XIRP2: variants seen among roughly 807,000 people sequenced by gnomAD.
The protein encoded by XIRP2 is xin actin-binding repeat-containing protein 2.
In XIRP2, 236 loss-of-function variants were observed where a neutral mutation model predicts 277.0. The observed-to-expected ratio is 0.85, with a 90% CI of 0.77 to 0.95. The LOEUF (loss-of-function observed/expected upper bound fraction) is 0.95. Among genes scored for constraint, XIRP2 ranks in the 40% least tolerant of loss-of-function variants. The pLI is 0.00. For missense variants in XIRP2, 4,640 were observed against 4,157.5 expected, an observed-to-expected ratio of 1.12 and a Z score of -3.19; for synonymous variants, 1,490 against 1,416.5, an observed-to-expected ratio of 1.05 and a Z score of -1.17.
At chr2:167,131,825 A>T (rs150246943) in intron 2 of XIRP2, among the ~76,000 whole-genome samples, 1 of 152,170 alleles carries the variant, frequency 6.6e-6, no homozygotes, top group Non-Finnish European at 1.5e-5. Context: ...TCTAAGCTCC[A>T]GGGCTACACA....
At position 167,242,817 on chromosome 2, in the gene XIRP2, G is replaced by A. The variant is rs1331439163; in HGVS notation, c.1425G>A (p.Leu475=). Residue 475 remains leucine, a synonymous_variant, in exon 9 of 11, where the codon CTG becomes CTA. Transcript: ENST00000409195. ...CAGCATTTTCCCAGTCCCCTGAACTGCCCAGTCCTCCTAGAAGACTACCAG... is the reference window on the plus strand; with the variant it reads ...CAGCATTTTCCCAGTCCCCTGAACTACCCAGTCCTCCTAGAAGACTACCAG... ...DVTAFSQSPE[L]PSPPRRLPVP... The A allele has an allele frequency of 6.2e-7, 1 of 1,614,132 alleles. No homozygotes were observed.
At chr2:167,082,855 A>T (rs1485459930) in intron 2 of XIRP2, among the ~76,000 whole-genome samples, 1 of 152,040 alleles carries the variant, frequency 6.6e-6, no homozygotes, top group Non-Finnish European at 1.5e-5. Context: ...CCTTTGTCAG[A>T]TGAGTAGGTT....
chr2:167,062,591 T>C (rs1689198987), intron 2 of XIRP2, among the ~76,000 whole-genome samples: 1 of 152,138 alleles, frequency 6.6e-6, no homozygotes, highest in Non-Finnish European at 1.5e-5. Flanking sequence ...AAGTTGATAT[T>C]ATTTCTAACT....
chr2:166,982,498 G>A (rs1223782965), intron 2 of XIRP2, among the ~76,000 whole-genome samples: 2 of 151,246 alleles, frequency 1.3e-5, no homozygotes, highest in East Asian at 3.9e-4. Flanking sequence ...TATAGTCCCA[G>A]GGAAGACTAG....
chr2:166,969,841 T>C (rs1431337448), intron 2 of XIRP2, among the ~76,000 whole-genome samples: 3 of 151,998 alleles, frequency 2.0e-5, no homozygotes, highest in African/African-American at 4.8e-5. Context: ...TTAAAATTGT[T>C]TGAATAAGCA....
In XIRP2 at chr2:167,199,977, A is replaced by G. The variant is rs371513398; in HGVS notation, c.563-10758A>G. ...GTCAAAGAGGTAGCAATTCTGTAAG[A>G]AACAGAATTATGTAGAATGATATGA... On this transcript the variant is annotated intron_variant, in intron 3 of 10. Coordinates refer to ENST00000409195, the MANE Select transcript of XIRP2 (RefSeq NM_152381.6). Among the ~76,000 whole-genome samples, 6 of 152,352 alleles carry G rather than the reference A, an allele frequency of 3.9e-5. No homozygotes were observed. In the East Asian group the frequency reaches 1.2e-3, roughly 29 times the overall value.
chr2:167,213,499 G>A (rs1398916494), intron 4 of XIRP2, among the ~76,000 whole-genome samples: 1 of 152,086 alleles, frequency 6.6e-6, no homozygotes, highest in Non-Finnish European at 1.5e-5. Context: ...TAACTGTTAG[G>A]TGTTCAAATT....
At chr2:167,224,337 A>G (rs1286680188) in intron 5 of XIRP2, among the ~76,000 whole-genome samples, 1 of 152,138 alleles carries the variant, frequency 6.6e-6, no homozygotes, top group African/African-American at 2.4e-5. Flanking sequence ...AGGCTCAAGC[A>G]ATACTTGCAT....
At chr2:167,205,830 A>G (rs1187262778) in intron 3 of XIRP2, among the ~76,000 whole-genome samples, 2 of 151,948 alleles carry the variant, frequency 1.3e-5, no homozygotes, top group Non-Finnish European at 2.9e-5. Context: ...ACTTTTAGTT[A>G]TAAATAAATA....
At chr2:167,186,624 T>C (rs1693163320) in intron 3 of XIRP2, among the ~76,000 whole-genome samples, 1 of 152,094 alleles carries the variant, frequency 6.6e-6, no homozygotes, top group East Asian at 1.9e-4. Flanking sequence ...CAGCATGTGT[T>C]TGGTAAGTCC....
chr2:167,142,891 T>C (rs1691760934), intron 3 of XIRP2, among the ~76,000 whole-genome samples: 1 of 151,988 alleles, frequency 6.6e-6, no homozygotes, highest in Non-Finnish European at 1.5e-5. Context: ...AACTCAGTGT[T>C]CTGGGGCAGT....
chr2:167,246,166 T>C lies in XIRP2; in HGVS notation c.4774T>C (p.Ser1592Pro), dbSNP rs746247589. The change falls in exon 9 of 11, where the codon TCT (serine) becomes CCT (proline). Residue 1592 changes from serine (S) to proline (P), a missense_variant. Transcript: ENST00000409195. The stretch of plus-strand genomic sequence containing the variant: ...AAAATACAAGCTAATGAACCAAGCA[T>C]CTCCTGAGATACAGAAAGAAGAAAT... ...MAKYKLMNQA[S>P]PEIQKEEIIR... 3.1e-6 allele frequency: 5 copies of C among 1,612,352 alleles called. No individual in the cohort carries two copies. In the African/African-American group the frequency reaches 4.0e-5, roughly 13 times the overall value.
intron 2 of XIRP2, among the ~76,000 whole-genome samples, chr2:167,046,258 G>A (rs1222140580): frequency 6.6e-6 from 1 of 151,774 alleles, no homozygotes; most frequent in Admixed American, 6.6e-5. Flanking sequence ...GGAGCTTTTG[G>A]GCAGACTATG....
intron 2 of XIRP2, among the ~76,000 whole-genome samples, chr2:167,111,891 A>T (rs1214482922): frequency 6.6e-6 from 1 of 152,054 alleles, no homozygotes; most frequent in Non-Finnish European, 1.5e-5. Flanking sequence ...GCCTTGGGCA[A>T]TTGTATATGT....
intron 3 of XIRP2, among the ~76,000 whole-genome samples, chr2:167,187,850 G>A (rs1573942205): frequency 6.6e-6 from 1 of 152,092 alleles, no homozygotes. Context: ...AAAAAAATTA[G>A]TTTGTCATTT....
At chr2:167,126,175 GCTCTCTCTCT>G (rs759213012) in intron 2 of XIRP2, among the ~76,000 whole-genome samples, 2 of 131,132 alleles carry the variant, frequency 1.5e-5, no homozygotes, top group Non-Finnish European at 3.1e-5. Context: ...CTCCTTGTGC[GCTCTCTCTCT>G]CTCTCTCTCT....
chr2:167,061,543 G>GT (rs1176446226), intron 2 of XIRP2, among the ~76,000 whole-genome samples: 2 of 152,018 alleles, frequency 1.3e-5, no homozygotes, highest in Admixed American at 6.6e-5. Context: ...AAAAAGATAT[G>GT]TTTAAATTCT....
chr2:167,197,738 G>A (rs970412819), intron 3 of XIRP2, among the ~76,000 whole-genome samples: 1 of 151,992 alleles, frequency 6.6e-6, no homozygotes, highest in Non-Finnish European at 1.5e-5. Flanking sequence ...AGTTTCATAT[G>A]GAATTTGGCA....
intron 10 of XIRP2, among the ~76,000 whole-genome samples, chr2:167,254,568 T>G (rs1695607913): frequency 1.3e-5 from 2 of 151,882 alleles, no homozygotes; most frequent in African/African-American, 4.8e-5. Flanking sequence ...CTACTCAATT[T>G]CTATTAGAGA....
Sources: allele counts gnomAD v4.1 joint callset (sites outside exome capture counted in the v4.1 genomes callset), GRCh38; gene constraint gnomAD v4.1.1; transcripts MANE v1.5; gene names NCBI Gene and HGNC (gene_info 2026-07-23, HGNC 2026-07-21).